GALNT14: variants seen among roughly 807,000 people sequenced by gnomAD.
GALNT14 encodes polypeptide N-acetylgalactosaminyltransferase 14.
GALNT14 carries 60 observed loss-of-function variants against 77.5 expected under a neutral mutation model. That is an observed-to-expected ratio of 0.77 (90% CI 0.63 to 0.96). The LOEUF is 0.96. Ranked by LOEUF, GALNT14 falls within the 40% of genes least tolerant of loss-of-function variation. The pLI is 0.00. For synonymous variants in GALNT14, 280 were observed against 281.7 expected (o/e 0.99, Z 0.06); for missense variants, 710 against 731.0 (o/e 0.97, Z 0.33).
intron 1 of GALNT14, chr2:31,125,023 A>C: frequency 1.5e-6 from 1 of 649,418 alleles, no homozygotes; most frequent in South Asian, 1.9e-5. Flanking sequence ...GCTGGATGCA[A>C]CTTCTCTCTC....
intron 1 of GALNT14, among the ~76,000 whole-genome samples, chr2:31,060,631 C>A (rs924156010): frequency 6.6e-6 from 1 of 152,198 alleles, no homozygotes; most frequent in African/African-American, 2.4e-5. Flanking sequence ...CACCTTTAAT[C>A]GGCTAGCGGC....
At chr2:31,136,647 A>T (rs1679239642) in intron 1 of GALNT14, among the ~76,000 whole-genome samples, 1 of 152,222 alleles carries the variant, frequency 6.6e-6, no homozygotes, top group South Asian at 2.1e-4. Flanking sequence ...CATTGGCAAG[A>T]TTCCAGAACA....
chr2:31,128,328 A>G (rs1278517869), intron 1 of GALNT14, among the ~76,000 whole-genome samples: 6 of 151,992 alleles, frequency 3.9e-5, no homozygotes, highest in African/African-American at 1.4e-4. Flanking sequence ...CATGGCCAGG[A>G]CACCCCGGCA....
chr2:31,004,217 C>T lies in GALNT14; in HGVS notation c.130-11210G>A, dbSNP rs1001276888. On this transcript the variant is annotated intron_variant, in intron 1 of 14. Transcript: ENST00000349752. The stretch of plus-strand genomic sequence containing the variant: ...GAGTCTGTGTCCTCCAGCTCTGGTA[C>T]CCAGGGAGCAGGTGATCTAGGAGGC... Among the ~76,000 whole-genome samples, 15 of 152,262 alleles carry T rather than the reference C, an allele frequency of 9.9e-5. No individual in the cohort carries two copies. The East Asian group carries it at 2.9e-3, about 29-fold the overall frequency.
chr2:31,088,751 T>C (rs755608071), intron 1 of GALNT14, among the ~76,000 whole-genome samples: 15 of 152,196 alleles, frequency 9.9e-5, no homozygotes, highest in Non-Finnish European at 1.9e-4. Flanking sequence ...AGATTATGTG[T>C]ATATACTAAT....
At chr2:30,915,473 C>G (rs1368489476) in intron 13 of GALNT14, among the ~76,000 whole-genome samples, 1 of 152,118 alleles carries the variant, frequency 6.6e-6, no homozygotes, top group African/African-American at 2.4e-5. Context: ...CTGGCCACAT[C>G]TGAAAGAGGA....
chr2:31,059,517 C>A (rs1390200157), intron 1 of GALNT14, among the ~76,000 whole-genome samples: 2 of 152,044 alleles, frequency 1.3e-5, no homozygotes, highest in Non-Finnish European at 1.5e-5. Context: ...GGGGAGGAAC[C>A]TTATGAATGA....
the GALNT14 span, among the ~76,000 whole-genome samples, chr2:30,888,804 T>G: frequency 3.3e-5 from 5 of 152,286 alleles, no homozygotes; most frequent in African/African-American, 1.2e-4. Flanking sequence ...TCTCCCAGGT[T>G]AGCTAAATCT....
rs1293896931 is a variant in GALNT14, at chr2:31,046,151, A to G, written c.130-53144T>C. On this transcript the variant is annotated intron_variant, in intron 1 of 14. Transcript: ENST00000349752. ...TTTACATATAAAAAAGAAAAAAATG[A>G]GAATAGAAGTTTAAATGTGCTGAAG... 2.6e-5 allele frequency among the ~76,000 whole-genome samples: 4 copies of G among 152,260 alleles called. No homozygotes were observed. In the East Asian group the frequency reaches 7.7e-4, roughly 29 times the overall value.
At chr2:31,090,956 T>G (rs559840540) in intron 1 of GALNT14, among the ~76,000 whole-genome samples, 2 of 152,332 alleles carry the variant, frequency 1.3e-5, no homozygotes, top group African/African-American at 4.8e-5. Context: ...AGAGGCTGTA[T>G]TACCTCCCTC....
chr2:31,093,525 G>A (rs1676859155), intron 1 of GALNT14, among the ~76,000 whole-genome samples: 2 of 152,160 alleles, frequency 1.3e-5, no homozygotes, highest in Admixed American at 6.5e-5. Context: ...CCCTTGAGAG[G>A]CAGTGTCTGG....
chr2:31,093,189 G>T (rs889188242), intron 1 of GALNT14, among the ~76,000 whole-genome samples: 1 of 152,160 alleles, frequency 6.6e-6, no homozygotes, highest in Non-Finnish European at 1.5e-5. Context: ...GGCTTACTAG[G>T]AAAGAAGCAT....
chr2:31,084,902 G>A (rs1464862683), intron 1 of GALNT14, among the ~76,000 whole-genome samples: 1 of 152,086 alleles, frequency 6.6e-6, no homozygotes, highest in Non-Finnish European at 1.5e-5. Flanking sequence ...GCATGCACCT[G>A]TAATCCCAGC....
intron 1 of GALNT14, among the ~76,000 whole-genome samples, chr2:31,074,759 C>T (rs1009424203): frequency 6.6e-6 from 1 of 152,186 alleles, no homozygotes; most frequent in Non-Finnish European, 1.5e-5. Flanking sequence ...ATTATCACTT[C>T]TACAATATTC....
the GALNT14 span, among the ~76,000 whole-genome samples, chr2:30,890,315 G>A: frequency 5.3e-4 from 80 of 152,266 alleles, no homozygotes; most frequent in Non-Finnish European, 5.4e-4. Context: ...ACTGAGAAAC[G>A]CGAAGAAATC....
Position 30,992,986 on chromosome 2 carries a change from C to T in GALNT14, c.151G>A (p.Asp51Asn), listed in dbSNP as rs751564454. Residue 51 changes from aspartate (D) to asparagine (N), a missense_variant, in exon 2 of 15, where the codon GAC (aspartate) becomes AAC (asparagine). Transcript: ENST00000349752. ...CGCTCATCAAACTGGTCCCACAGGT[C>T]GTCCCAGTCAGCGTCCGAAGGCTGC... ...TPKPSDADWDDLWDQFDERRY... is the reference protein window; with the variant it reads ...TPKPSDADWDNLWDQFDERRY... 18 of 1,613,966 alleles carry T rather than the reference C, an allele frequency of 1.1e-5. No homozygotes were observed. The highest frequency in any genetic ancestry group is 5.3e-5 in the African/African-American group (4 of 74,908).
In GALNT14 at chr2:30,993,109, C is replaced by T. The variant is rs1407210914; in HGVS notation, c.130-102G>A. ...ACCCCAGAGACCAGGCTTATTCTGG[C>T]AAGGTTTGGCTCAAAGATGGGGTCA... On this transcript the variant is annotated intron_variant, in intron 1 of 14. Coordinates refer to ENST00000349752, the MANE Select transcript of GALNT14 (RefSeq NM_024572.4). 3 of 1,261,422 alleles carry T rather than the reference C, an allele frequency of 2.4e-6. No individual in the cohort carries two copies. The African/African-American group carries it at 4.5e-5, about 19-fold the overall frequency. The allele number at this position is 1,261,422 out of a possible 1,614,324, so 78.1% of individuals were successfully genotyped here.
intron 11 of GALNT14, among the ~76,000 whole-genome samples, chr2:30,926,543 C>T (rs918710097): frequency 1.3e-5 from 2 of 152,138 alleles, no homozygotes; most frequent in Admixed American, 6.5e-5. Context: ...ATGCAAATAT[C>T]AGCAGCATAG....
chr2:31,132,126 T>C (rs1046162896), intron 1 of GALNT14, among the ~76,000 whole-genome samples: 1 of 150,804 alleles, frequency 6.6e-6, no homozygotes, highest in African/African-American at 2.4e-5. Flanking sequence ...GGGGAGAGAG[T>C]GGGCTAGGAG....
Sources: gnomAD v4.1 joint callset for allele counts (sites outside exome capture counted in the v4.1 genomes callset) on GRCh38, gnomAD v4.1.1 for gene constraint, MANE v1.5 for transcripts, NCBI Gene and HGNC (gene_info 2026-07-23, HGNC 2026-07-21) for gene names.